The following RABGAP1L variants were observed in gnomAD, a reference collection of about 807,000 sequenced individuals.
RABGAP1L encodes the protein RAB GTPase activating protein 1 like, also known as rab GTPase-activating protein 1-like.
RABGAP1L carries 63 observed loss-of-function variants against 137.7 expected under a neutral mutation model. That is an observed-to-expected ratio of 0.46 (90% CI 0.37 to 0.56). The LOEUF is 0.56. RABGAP1L is among the 20% of genes least tolerant of loss of function. The pLI is 0.00. For missense variants in RABGAP1L, 1,095 were observed against 1,244.0 expected (o/e 0.88, Z 1.80); for synonymous variants, 431 against 433.7 (o/e 0.99, Z 0.08).
intron 1 of RABGAP1L, among the ~76,000 whole-genome samples, chr1:174,166,035 C>G (rs1664882419): frequency 6.6e-6 from 1 of 152,136 alleles, no homozygotes; most frequent in Non-Finnish European, 1.5e-5. Context: ...ATTTTTGACT[C>G]TGGAGTAATC....
chr1:174,320,566 C>T (rs939644285), intron 11 of RABGAP1L, among the ~76,000 whole-genome samples: 2 of 152,106 alleles, frequency 1.3e-5, no homozygotes, highest in Admixed American at 1.3e-4. Context: ...CAGCTGAAGC[C>T]ATGGCAGAAG....
chr1:174,531,785 G>T (rs953444469), intron 13 of RABGAP1L, among the ~76,000 whole-genome samples: 6 of 151,798 alleles, frequency 4.0e-5, no homozygotes, highest in Admixed American at 3.9e-4. Flanking sequence ...ATATTATTGA[G>T]TAATTGTGGA....
intron 13 of RABGAP1L, among the ~76,000 whole-genome samples, chr1:174,428,201 C>T (rs1652184383): frequency 6.6e-6 from 1 of 152,124 alleles, no homozygotes; most frequent in South Asian, 2.1e-4. Context: ...TCAACAGAAA[C>T]ATTATCCTTT....
chr1:174,182,820 A>T (rs773941325), intron 1 of RABGAP1L, among the ~76,000 whole-genome samples: 3 of 152,230 alleles, frequency 2.0e-5, no homozygotes, highest in Non-Finnish European at 4.4e-5. Context: ...GCCCTGACAA[A>T]TACATCAACT....
chr1:174,540,791 G>C (rs954150010), intron 13 of RABGAP1L, among the ~76,000 whole-genome samples: 26 of 152,200 alleles, frequency 1.7e-4, no homozygotes, highest in African/African-American at 5.5e-4. Context: ...TTTTTTGGTT[G>C]CATATGAACT....
chr1:174,956,067 A>T (rs184566840), intron 19 of RABGAP1L, among the ~76,000 whole-genome samples: 176 of 152,358 alleles, frequency 1.2e-3, no homozygotes, highest in African/African-American at 3.8e-3. Context: ...AAAAAATTTT[A>T]AAAATGTCCA....
chr1:174,549,134 C>G (rs1666242174), intron 13 of RABGAP1L, among the ~76,000 whole-genome samples: 1 of 152,100 alleles, frequency 6.6e-6, no homozygotes, highest in African/African-American at 2.4e-5. Context: ...ATATCCTACT[C>G]AAAAATGACA....
In RABGAP1L at chr1:174,219,253, A is replaced by T; in HGVS notation, c.96A>T (p.Ala32=). 6.3e-7 allele frequency: 1 copy of T among 1,596,594 alleles called. No individual in the cohort carries two copies. The highest frequency in any genetic ancestry group is 1.2e-5 in the South Asian group (1 of 86,888). ...AATTTGTTTTGGTTCCTCAGTATGC[A>T]GATGATAATTCTACAAAACATGAAG... The part of the protein sequence containing the change: ...SEEFVLVPQY[A]DDNSTKHEEK... Residue 32 remains alanine, a synonymous_variant, in exon 2 of 26, where the codon GCA becomes GCT. Transcript: ENST00000681986.
At chr1:174,615,781 G>T (rs1386549011) in intron 13 of RABGAP1L, among the ~76,000 whole-genome samples, 1 of 152,208 alleles carries the variant, frequency 6.6e-6, no homozygotes, top group Non-Finnish European at 1.5e-5. Flanking sequence ...CCTGGGCAAT[G>T]GTGGGCGCCC....
At chr1:174,932,765 T>A (rs112667452) in intron 19 of RABGAP1L, among the ~76,000 whole-genome samples, 7 of 152,210 alleles carry the variant, frequency 4.6e-5, no homozygotes, top group African/African-American at 1.7e-4. Context: ...CATTATTTAT[T>A]TTAATGCTGA....
intron 1 of RABGAP1L, among the ~76,000 whole-genome samples, chr1:174,183,935 G>T: frequency 1.4e-5 from 2 of 146,886 alleles, no homozygotes. Flanking sequence ...GCGCGATCTC[G>T]GCTCACTGCA....
chr1:174,669,724 A>G (rs904387985), intron 14 of RABGAP1L, among the ~76,000 whole-genome samples: 2 of 152,184 alleles, frequency 1.3e-5, no homozygotes, highest in Admixed American at 6.5e-5. Context: ...AGAACCATGT[A>G]TTGAAGAGAC....
intron 13 of RABGAP1L, among the ~76,000 whole-genome samples, chr1:174,606,699 T>A (rs1379509620): frequency 1.3e-5 from 2 of 152,246 alleles, no homozygotes; most frequent in Admixed American, 1.3e-4. Context: ...ATTCAGTTTT[T>A]CTGTGCCTCA....
intron 19 of RABGAP1L, among the ~76,000 whole-genome samples, chr1:174,856,207 C>T (rs138866158): frequency 0.01 from 1,579 of 151,940 alleles, 24 homozygotes; most frequent in African/African-American, 0.034. Flanking sequence ...CCAGCCTGGC[C>T]AAGATGGTGA....
chr1:174,922,937 G>T (rs958186331), intron 19 of RABGAP1L, among the ~76,000 whole-genome samples: 1 of 152,036 alleles, frequency 6.6e-6, no homozygotes, highest in Non-Finnish European at 1.5e-5. Flanking sequence ...ACTTTGGGAG[G>T]CCCAGGTAGA....
chr1:174,657,094 C>T (rs1429672070), intron 14 of RABGAP1L, among the ~76,000 whole-genome samples: 3 of 152,028 alleles, frequency 2.0e-5, no homozygotes, highest in Non-Finnish European at 2.9e-5. Flanking sequence ...TGTCTCATTC[C>T]CCAGCATTTC....
chr1:174,318,783 G>A (rs1258812876), intron 11 of RABGAP1L, among the ~76,000 whole-genome samples: 1 of 150,136 alleles, frequency 6.7e-6, no homozygotes, highest in African/African-American at 2.5e-5. Flanking sequence ...ATTACCATGA[G>A]GCTTATGAAA....
intron 2 of RABGAP1L, among the ~76,000 whole-genome samples, chr1:174,219,572 ATTACT>A (rs1293959045): frequency 1.4e-4 from 21 of 152,146 alleles, no homozygotes; most frequent in Non-Finnish European, 1.5e-5. Context: ...TAAATTTTAC[ATTACT>A]TTATCTGGAT....
At chr1:174,179,923 T>G (rs935642374) in intron 1 of RABGAP1L, among the ~76,000 whole-genome samples, 6 of 149,814 alleles carry the variant, frequency 4.0e-5, no homozygotes, top group African/African-American at 1.5e-4. Context: ...TTAGTAGTAT[T>G]CAAGAATTTG....
Sources: gnomAD v4.1 joint callset for allele counts (sites outside exome capture counted in the v4.1 genomes callset) on GRCh38, gnomAD v4.1.1 for gene constraint, MANE v1.5 for transcripts, NCBI Gene and HGNC (gene_info 2026-07-23, HGNC 2026-07-21) for gene names.